AKTIP: variants seen among roughly 807,000 people sequenced by gnomAD.
The protein encoded by AKTIP is AKT interacting protein, also known as AKT-interacting protein.
AKTIP carries 16 observed loss-of-function variants against 39.1 expected under a neutral mutation model. That is an observed-to-expected ratio of 0.41 (90% CI 0.28 to 0.62). The LOEUF (loss-of-function observed/expected upper bound fraction) is 0.62, where lower values mean the gene tolerates loss of function less well. Among genes scored for constraint, AKTIP ranks in the 20% least tolerant of loss-of-function variants. The probability of loss-of-function intolerance (pLI) is 0.32; values close to 1 mark genes in which losing one functional copy is unlikely to be tolerated. For missense variants in AKTIP, 262 were observed against 356.6 expected (o/e 0.73, Z 2.14); for synonymous variants, 93 against 124.3 (o/e 0.75, Z 1.67).
In AKTIP at chr16:53,498,669, T is replaced by C. The variant is rs576136143; in HGVS notation, c.43-73A>G. The C allele has an allele frequency of 6.2e-4, 893 of 1,433,644 alleles. 4 individuals are homozygous for C. The highest frequency in any genetic ancestry group is 7.5e-4 in the Non-Finnish European group (762 of 1,019,018). The allele number at this position is 1,433,644 out of a possible 1,614,324, so 88.8% of individuals were successfully genotyped here. A position where few individuals can be genotyped will look rare whatever the true frequency, so the allele number is the denominator to read the frequency against. On this transcript the variant is annotated intron_variant, in intron 2 of 9. Transcript: ENST00000394657. ...TCACAAGAGTACATTATTAGCTCCA[T>C]GGCCTAAATGCTGGAATTACTCCTT...
At chr16:53,498,289 G>T in intron 3 of AKTIP, 102 bp downstream of exon 3, 1 of 1,205,994 alleles carries the variant, frequency 8.3e-7, no homozygotes, top group Non-Finnish European at 1.2e-6. Context: ...TTTGAGCTTT[G>T]AGATTAAATG....
chr16:53,500,174 A>G, intron 2 of AKTIP, 44 bp downstream of exon 2: 1 of 1,479,826 alleles, frequency 6.8e-7, no homozygotes, highest in Non-Finnish European at 9.4e-7. Flanking sequence ...TTTCAGACAC[A>G]GAAGCAAATG....
intron 8 of AKTIP, 94 bp from the exon 9 acceptor site, chr16:53,492,847 A>T: frequency 2.0e-6 from 2 of 1,000,848 alleles, no homozygotes; most frequent in South Asian, 2.8e-5. Flanking sequence ...CCCCTAACTT[A>T]ATAAAGCACA....
chr16:53,496,074 A>G (rs1598153825), intron 3 of AKTIP, among the ~76,000 whole-genome samples: 1 of 152,252 alleles, frequency 6.6e-6, no homozygotes, highest in Admixed American at 6.5e-5. Flanking sequence ...TTACCCACCC[A>G]CAGCCATTCT....
Position 53,496,871 on chromosome 16 carries a change from A to G in AKTIP, c.248+1520T>C, listed in dbSNP as rs918208160. The stretch of plus-strand genomic sequence containing the variant: ...AAAGAAAAAAAGATGAGGTCTCACT[A>G]TATGGCCTACACTTGTCTCACATTG... On this transcript the variant is annotated intron_variant, in intron 3 of 9. Coordinates refer to ENST00000394657, the MANE Select transcript of AKTIP (RefSeq NM_022476.4). Among the ~76,000 whole-genome samples, 4 of 152,304 alleles carry G rather than the reference A, an allele frequency of 2.6e-5. No homozygotes were observed. The East Asian group carries it at 7.7e-4, about 29-fold the overall frequency.
At chr16:53,493,337 G>A (rs1309666530) in intron 8 of AKTIP, 1 of 153,150 alleles carries the variant, frequency 6.5e-6, no homozygotes, top group Admixed American at 6.5e-5. Flanking sequence ...AGCTAATTTT[G>A]TATTTTGTAT....
intron 8 of AKTIP, chr16:53,493,259 G>A (rs1475579374): frequency 1.3e-5 from 2 of 157,434 alleles, no homozygotes; most frequent in African/African-American, 2.4e-5. Flanking sequence ...TGCCTCCCTG[G>A]TTCAAGTGAT....
Position 53,491,406 on chromosome 16 carries a change from T to C in AKTIP, c.*1006A>G, listed in dbSNP as rs1598144486. The stretch of plus-strand genomic sequence containing the variant: ...AATTATCTATACATATCTTTATTAA[T>C]CACTATTGTTCCAGCAGTTTTCAAG... On this transcript the variant is annotated 3_prime_UTR_variant, in exon 10 of 10. Transcript: ENST00000394657. 6.6e-6 allele frequency: 1 copy of C among 152,326 alleles called. No individual in the cohort carries two copies. Among genetic ancestry groups the C allele is most frequent in the African/African-American group, 2.4e-5 (1 of 41,456 alleles). 9.4% of individuals were successfully genotyped at this position (152,326 alleles called of 1,614,324 possible). A position where few individuals can be genotyped will look rare whatever the true frequency, so the allele number is the denominator to read the frequency against.
In AKTIP at chr16:53,494,572, G is replaced by C; in HGVS notation, c.448C>G (p.Leu150Val). Residue 150 changes from leucine to valine, a missense_variant, in exon 6 of 10, where the codon CTA becomes GTA. By Grantham distance (32) the Leu-to-Val change is conservative. This residue lies in a region of AKTIP where 25 missense variants were observed against 38.4 expected (regional missense o/e 0.65). Transcript: ENST00000394657. ...LVFDIPVFHP[L>V]VDPTSGELDV... ...AGCTCACCTGAGGTGGGATCAACTAGCGGGTGAAAGACAGGAATATCGAAC... is the reference window on the plus strand; with the variant it reads ...AGCTCACCTGAGGTGGGATCAACTACCGGGTGAAAGACAGGAATATCGAAC... 1.9e-6 allele frequency: 3 copies of C among 1,614,154 alleles called. No individual in the cohort carries two copies. Among genetic ancestry groups the C allele is most frequent in the South Asian group, 1.1e-5 (1 of 91,084 alleles).
At chr16:53,495,216 G>A (rs2150854413) in intron 4 of AKTIP, 43 bp from the exon 5 acceptor site, 1 of 1,612,870 alleles carries the variant, frequency 6.2e-7, no homozygotes, top group Non-Finnish European at 8.5e-7. Context: ...ATTTGTGTGG[G>A]AGGAACTAAA....
At chr16:53,499,529 C>T (rs1567760735) in intron 2 of AKTIP, among the ~76,000 whole-genome samples, 1 of 150,216 alleles carries the variant, frequency 6.7e-6, no homozygotes, top group East Asian at 2.0e-4. Flanking sequence ...GATCTCAGCT[C>T]ACTGCAAGCA....
rs549875721 is a variant in AKTIP at position 53,499,197 on chromosome 16, C to T, written c.43-601G>A. On this transcript the variant is annotated intron_variant, in intron 2 of 9. Coordinates refer to ENST00000394657, the MANE Select transcript of AKTIP (RefSeq NM_022476.4). Reference sequence around the variant, plus strand: ...AGGTCGACATGAGTCAGAGACTAAACTACCATCTCATAGGTACTTCCTTGG... The same window carrying T: ...AGGTCGACATGAGTCAGAGACTAAATTACCATCTCATAGGTACTTCCTTGG... Among the ~76,000 whole-genome samples, 11 of 152,348 alleles carry T rather than the reference C, an allele frequency of 7.2e-5. No individual in the cohort carries two copies. In the South Asian group the frequency reaches 1.9e-3, roughly 26 times the overall value.
chr16:53,503,529 T>TG (rs1304599419), upstream of AKTIP, among the ~76,000 whole-genome samples: 1 of 152,102 alleles, frequency 6.6e-6, no homozygotes, highest in East Asian at 1.9e-4. Flanking sequence ...CGGGGAGGGA[T>TG]GGGGCAGAGA....
intron 2 of AKTIP, among the ~76,000 whole-genome samples, chr16:53,499,682 G>C (rs1163280106): frequency 6.6e-6 from 1 of 151,922 alleles, no homozygotes; most frequent in African/African-American, 2.4e-5. Context: ...GGATGGTCTC[G>C]ATCTCCTGAC....
At chr16:53,502,848 G>A (rs1962255924) in intron 1 of AKTIP, 1 of 152,120 alleles carries the variant, frequency 6.6e-6, no homozygotes, top group African/African-American at 2.4e-5. Flanking sequence ...ACCCGGCCGG[G>A]GAGGGCGGGC....
In AKTIP at chr16:53,494,254, AAAGTTT is replaced by A; in HGVS notation, c.603-15_603-10del. 6.2e-7 allele frequency: 1 copy of A among 1,613,432 alleles called. No homozygotes were observed. The highest frequency in any genetic ancestry group is 1.7e-5 in the Admixed American group (1 of 60,012). On this transcript the variant is annotated splice_polypyrimidine_tract_variant and intron_variant, in intron 7 of 9. Coordinates refer to ENST00000394657, the MANE Select transcript of AKTIP (RefSeq NM_022476.4). ...GAATATCTTTTTCATACCTGTGTTA[AAAGTTT>A]AAGTCAAAAAGTTACTAACTTAATC...
At chr16:53,493,976 T>C in intron 8 of AKTIP, 162 bp downstream of exon 8, 3 of 598,438 alleles carry the variant, frequency 5.0e-6, no homozygotes, top group Non-Finnish European at 8.9e-6. Context: ...GAGAAGAGCC[T>C]CAAGAGGCAT....
chr16:53,497,984 GT>G (rs1961942122), intron 3 of AKTIP, among the ~76,000 whole-genome samples: 1 of 152,196 alleles, frequency 6.6e-6, no homozygotes, highest in Non-Finnish European at 1.5e-5. Context: ...CCTGAACCTC[GT>G]GATCCACCTG....
chr16:53,495,252 C>G lies in AKTIP; in HGVS notation c.313+10G>C, dbSNP rs766375002. The G allele has an allele frequency of 3.7e-6, 6 of 1,614,090 alleles. No homozygotes were observed. Among genetic ancestry groups the G allele is most frequent in the South Asian group, 1.1e-5 (1 of 91,078 alleles). On this transcript the variant is annotated intron_variant, in intron 4 of 9. Transcript: ENST00000394657. ...TGTGCCCATAAATTAAGAGTGAATC[C>G]TCATCTTACTTAATGCAGAGCGATA...
Sources: gnomAD v4.1 joint callset for allele counts (sites outside exome capture counted in the v4.1 genomes callset) on GRCh38, gnomAD v4.1.1 for gene constraint, gnomAD v4.1.1 regional missense constraint, MANE v1.5 for transcripts, NCBI Gene and HGNC (gene_info 2026-07-23, HGNC 2026-07-21) for gene names.